The following PTDSS2 variants were observed in gnomAD, a reference collection of about 807,000 sequenced individuals.
PTDSS2 encodes the protein PSS-2.
PTDSS2 carries 41 observed loss-of-function variants against 64.7 expected under a neutral mutation model. The observed-to-expected ratio is 0.63, with a 90% CI of 0.49 to 0.82. PTDSS2 has a LOEUF of 0.82. Among genes scored for constraint, PTDSS2 ranks in the 40% least tolerant of loss-of-function variants. PTDSS2 has a pLI of 0.00. For missense variants in PTDSS2, 485 were observed against 650.0 expected, an observed-to-expected ratio of 0.75 and a Z score of 2.76; for synonymous variants, 297 against 277.8, an observed-to-expected ratio of 1.07 and a Z score of -0.69.
chr11:486,803 A>G (rs1848412756), intron 4 of PTDSS2, 136 bp from the exon 5 acceptor site: 8 of 1,158,486 alleles, frequency 6.9e-6, no homozygotes, highest in South Asian at 1.8e-5. Context: ...AGCCCAGTTC[A>G]CGCCACTGCA....
intron 4 of PTDSS2, among the ~76,000 whole-genome samples, chr11:481,968 G>A (rs578214502): frequency 5.4e-5 from 8 of 148,332 alleles, no homozygotes; most frequent in Admixed American, 1.4e-4. Flanking sequence ...TCAGCCTCCC[G>A]AGTAGCTGGG....
At chr11:488,408 C>T (rs1265991359) in intron 7 of PTDSS2, 96 bp downstream of exon 7, 18 of 1,321,114 alleles carry the variant, frequency 1.4e-5, no homozygotes, top group Non-Finnish European at 1.7e-5. Flanking sequence ...CCCTCATTCT[C>T]CCCGGGGGGC....
intron 8 of PTDSS2, 30 bp downstream of exon 8, chr11:488,677 C>G (rs749156811): frequency 1.0e-4 from 135 of 1,318,920 alleles, no homozygotes; most frequent in Middle Eastern, 3.6e-4. Flanking sequence ...AGGGCAGGGC[C>G]GGGTGGGGGT....
rs974804529 is a variant in PTDSS2, at chr11:491,043, C to T, written c.*461C>T. The T allele has an allele frequency of 5.8e-6, 1 of 171,076 alleles. No individual in the cohort carries two copies. Among genetic ancestry groups the T allele is most frequent in the Non-Finnish European group, 1.3e-5 (1 of 78,808 alleles). The allele number at this position is 171,076 out of a possible 1,614,324, so 10.6% of individuals were successfully genotyped here. A position where few individuals can be genotyped will look rare whatever the true frequency, so the allele number is the denominator to read the frequency against. ...GTCCAGGCAGGGACATCTCGGTACCCTTTCTGCACTCCGTGGGCCCTGGGT... is the reference window on the plus strand; with the variant it reads ...GTCCAGGCAGGGACATCTCGGTACCTTTTCTGCACTCCGTGGGCCCTGGGT... On this transcript the variant is annotated 3_prime_UTR_variant, in exon 12 of 12. Transcript: ENST00000308020.
At chr11:481,132 G>A (rs35906014) in intron 4 of PTDSS2, among the ~76,000 whole-genome samples, 2 of 152,066 alleles carry the variant, frequency 1.3e-5, no homozygotes, top group South Asian at 2.1e-4. Context: ...AAAGTGCGGG[G>A]ATTCCAGGTG....
rs555397654 is a variant in PTDSS2 at position 460,025 on chromosome 11, G to A, written c.183-162G>A. On this transcript the variant is annotated intron_variant, in intron 1 of 11. Coordinates refer to ENST00000308020, the MANE Select transcript of PTDSS2 (RefSeq NM_030783.3). The surrounding 1 kb of genome is among the most constrained non-coding windows in gnomAD (Gnocchi z 5.8). The stretch of plus-strand genomic sequence containing the variant: ...TGGCCAGCAGACGCAGGGTCATCTC[G>A]GAGTTACCCAGCTAGGGACTCGCAG... 3,175 of 617,994 alleles carry A rather than the reference G, an allele frequency of 5.1e-3. 30 individuals are homozygous for A. Among genetic ancestry groups the A allele is most frequent in the Non-Finnish European group, 4.7e-3 (1,598 of 337,792 alleles). The allele number at this position is 617,994 out of a possible 1,614,324, so 38.3% of individuals were successfully genotyped here.
At chr11:456,170 CT>C (rs71022912) in intron 1 of PTDSS2, among the ~76,000 whole-genome samples, 6,620 of 114,782 alleles carry the variant, frequency 0.058, 100 homozygotes, top group Non-Finnish European at 0.086. Context: ...TTCTTTCATT[CT>C]TTTTTTTTTT....
chr11:485,257 C>T (rs1304181622), intron 4 of PTDSS2, among the ~76,000 whole-genome samples: 2 of 139,678 alleles, frequency 1.4e-5, no homozygotes, highest in East Asian at 4.5e-4. Context: ...CGTGTGTGCT[C>T]ACTGCGCAGG....
rs1417770576 is a variant in PTDSS2 at position 475,820 on chromosome 11, A to G, written c.367+1843A>G. On this transcript the variant is annotated intron_variant, in intron 3 of 11. Transcript: ENST00000308020. ...TTAACTAACTTATTTAAGCCATAAT[A>G]TTGTATATTTAGAGAGTTTCCAGTT... Among the ~76,000 whole-genome samples the G allele has an allele frequency of 3.9e-5, 6 of 152,218 alleles. No homozygotes were observed. The East Asian group carries it at 1.2e-3, about 29-fold the overall frequency.
At chr11:453,546 C>A (rs1846445813) in intron 1 of PTDSS2, among the ~76,000 whole-genome samples, 1 of 152,202 alleles carries the variant, frequency 6.6e-6, no homozygotes, top group Non-Finnish European at 1.5e-5. Flanking sequence ...GACCTCTGAC[C>A]TTCAGATACC....
chr11:455,567 C>T (rs1846548828), intron 1 of PTDSS2, among the ~76,000 whole-genome samples: 1 of 152,218 alleles, frequency 6.6e-6, no homozygotes, highest in Admixed American at 6.5e-5. Context: ...GTCCCTGGCT[C>T]CTCCAAAGGT....
intron 4 of PTDSS2, among the ~76,000 whole-genome samples, chr11:482,129 A>T (rs1197507362): frequency 6.6e-6 from 1 of 151,506 alleles, no homozygotes; most frequent in African/African-American, 2.4e-5. Flanking sequence ...TATGGGCATG[A>T]GCCACCGTGC....
chr11:475,275 C>T (rs113627778), intron 3 of PTDSS2, among the ~76,000 whole-genome samples: 7,556 of 79,088 alleles, frequency 0.096, 7 homozygotes, highest in African/African-American at 0.17. Flanking sequence ...GTTTGTGATA[C>T]GGCCATATTC....
At chr11:474,884 T>C (rs1847658731) in intron 3 of PTDSS2, among the ~76,000 whole-genome samples, 1 of 151,626 alleles carries the variant, frequency 6.6e-6, no homozygotes, top group South Asian at 2.1e-4. Context: ...CACGTGTTTG[T>C]GTGTGCGGAC....
At position 489,922 on chromosome 11, in the gene PTDSS2, G is replaced by A. The variant is rs770764985; in HGVS notation, c.1155G>A (p.Val385=). Residue 385 remains valine (V), a synonymous_variant, in exon 11 of 12, where the codon GTG becomes GTA. Coordinates refer to ENST00000308020, the MANE Select transcript of PTDSS2 (RefSeq NM_030783.3). The stretch of plus-strand genomic sequence containing the variant: ...AGCTGGGCCCGCAGGCCTGGCTGGT[G>A]GCGGCCATCACGGCCACGGAGCTGC... ...HKKLGPQAWL[V]AAITATELLI... The A allele has an allele frequency of 3.7e-6, 6 of 1,604,090 alleles. No homozygotes were observed. The highest frequency in any genetic ancestry group is 5.1e-6 in the Non-Finnish European group (6 of 1,177,470).
chr11:481,459 A>G (rs1848068811), intron 4 of PTDSS2, among the ~76,000 whole-genome samples: 1 of 152,222 alleles, frequency 6.6e-6, no homozygotes, highest in Non-Finnish European at 1.5e-5. Flanking sequence ...TCATCCTGAC[A>G]ATATTAACTC....
chr11:465,704 T>C (rs1847108337), intron 2 of PTDSS2, among the ~76,000 whole-genome samples: 2 of 152,048 alleles, frequency 1.3e-5, no homozygotes, highest in Non-Finnish European at 1.5e-5. Context: ...CTAGGAGGAT[T>C]GCTTGAGGTC....
chr11:474,977 C>T (rs1261237921), intron 3 of PTDSS2, among the ~76,000 whole-genome samples: 2 of 150,618 alleles, frequency 1.3e-5, no homozygotes, highest in South Asian at 2.1e-4. Flanking sequence ...GACATGTTCA[C>T]GCGTTTGTGA....
rs534244099 is a variant in PTDSS2 at position 485,024 on chromosome 11, C to T, written c.436-1915C>T. ...TGCGCAGGCGAGCGTAAACAGTGCA[C>T]GGGCGCGTGTGTGCTCACTGTGTGC... On this transcript the variant is annotated intron_variant, in intron 4 of 11. Coordinates refer to ENST00000308020, the MANE Select transcript of PTDSS2 (RefSeq NM_030783.3). Among the ~76,000 whole-genome samples the T allele has an allele frequency of 1.9e-3, 264 of 135,900 alleles. 5 individuals are homozygous for T. Among genetic ancestry groups the T allele is most frequent in the African/African-American group, 7.0e-3 (246 of 35,006 alleles). The allele number at this position is 135,900 out of a possible 152,430, so 89.2% of individuals were successfully genotyped here. A position where few individuals can be genotyped will look rare whatever the true frequency, so the allele number is the denominator to read the frequency against.
Sources: allele counts gnomAD v4.1 joint callset (sites outside exome capture counted in the v4.1 genomes callset), GRCh38; gene constraint gnomAD v4.1.1; non-coding constraint Gnocchi (gnomAD v3.1); transcripts MANE v1.5; gene names NCBI Gene and HGNC (gene_info 2026-07-23, HGNC 2026-07-21).